Variants in MYO9B observed in about 807,000 individuals in gnomAD.
The protein encoded by MYO9B is unconventional myosin-IXb.
Under a neutral mutation model 229.5 loss-of-function variants are expected in MYO9B, and 71 were observed. That is an observed-to-expected ratio of 0.31 (90% CI 0.26 to 0.38). MYO9B has a LOEUF of 0.38. Among genes scored for constraint, MYO9B ranks in the 10% least tolerant of loss-of-function variants. The pLI is 1.00. For synonymous variants in MYO9B, 1,185 were observed against 1,235.8 expected, an observed-to-expected ratio of 0.96 and a Z score of 0.86; for missense variants, 2,255 against 2,920.5, an observed-to-expected ratio of 0.77 and a Z score of 5.25.
intron 19 of MYO9B, among the ~76,000 whole-genome samples, chr19:17,190,140 T>C (rs1041449517): frequency 1.5e-4 from 22 of 150,900 alleles, no homozygotes; most frequent in Admixed American, 1.3e-4. Flanking sequence ...GCACTTTGGG[T>C]CACGTGACCC....
Position 17,202,722 on chromosome 19 carries a change from T to G in MYO9B, c.4837-120T>G. 4.0e-6 allele frequency: 4 copies of G among 1,004,328 alleles called. No individual in the cohort carries two copies. The South Asian group carries it at 4.7e-5, about 12-fold the overall frequency. The allele number at this position is 1,004,328 out of a possible 1,614,324, so 62.2% of individuals were successfully genotyped here. On this transcript the variant is annotated intron_variant, in intron 28 of 39. Transcript: ENST00000682292. Reference sequence around the variant, plus strand: ...TGAATGGGGGCGTTAGGGACAATGATGCCACTCCAGGTGAGGGAGGGTTCA... The same window carrying G: ...TGAATGGGGGCGTTAGGGACAATGAGGCCACTCCAGGTGAGGGAGGGTTCA...
intron 14 of MYO9B, among the ~76,000 whole-genome samples, chr19:17,180,228 G>A (rs901232018): frequency 9.3e-4 from 67 of 72,260 alleles, no homozygotes; most frequent in African/African-American, 3.1e-3. Flanking sequence ...GTGAGACTCC[G>A]TCTCAATAAA....
intron 26 of MYO9B, among the ~76,000 whole-genome samples, chr19:17,201,608 G>C (rs925556309): frequency 2.6e-5 from 4 of 152,162 alleles, no homozygotes; most frequent in African/African-American, 9.7e-5. Flanking sequence ...CACTGGCAAT[G>C]TCTGGGGACA....
At chr19:17,168,314 A>G (rs2072683322) in intron 11 of MYO9B, among the ~76,000 whole-genome samples, 1 of 152,148 alleles carries the variant, frequency 6.6e-6, no homozygotes, top group African/African-American at 2.4e-5. Context: ...ACAGGGTCAC[A>G]CCACCATACC....
At chr19:17,111,585 G>A (rs2057848696) in intron 2 of MYO9B, among the ~76,000 whole-genome samples, 1 of 152,006 alleles carries the variant, frequency 6.6e-6, no homozygotes, top group African/African-American at 2.4e-5. Context: ...ACCACCCCTG[G>A]CTAATTTTTT....
At chr19:17,094,559 A>G (rs930238875) in intron 1 of MYO9B, among the ~76,000 whole-genome samples, 2 of 152,212 alleles carry the variant, frequency 1.3e-5, no homozygotes, top group African/African-American at 4.8e-5. Flanking sequence ...TGCATTTTCT[A>G]GAATGTTATA....
chr19:17,166,426 C>G (rs184333099), intron 10 of MYO9B, among the ~76,000 whole-genome samples: 136 of 152,094 alleles, frequency 8.9e-4, no homozygotes, highest in East Asian at 5.8e-4. Flanking sequence ...ATTCATTTAT[C>G]TAGTAAGTTT....
At chr19:17,156,339 G>A (rs544242477) in intron 6 of MYO9B, among the ~76,000 whole-genome samples, 5 of 151,538 alleles carry the variant, frequency 3.3e-5, no homozygotes, top group African/African-American at 7.3e-5. Context: ...AACTGAGCCC[G>A]GGGAGGTTGA....
chr19:17,184,149 G>A, intron 16 of MYO9B: 2 of 484,810 alleles, frequency 4.1e-6, no homozygotes, highest in South Asian at 5.0e-5. Context: ...GGAAGCTAGG[G>A]GCGTAAGCAT....
At chr19:17,142,045 G>C (rs746170479) in intron 2 of MYO9B, among the ~76,000 whole-genome samples, 1 of 152,036 alleles carries the variant, frequency 6.6e-6, no homozygotes, top group Non-Finnish European at 1.5e-5. Flanking sequence ...AAGCATGGTG[G>C]CATGCACCTG....
intron 2 of MYO9B, among the ~76,000 whole-genome samples, chr19:17,143,413 A>T (rs2072366978): frequency 6.6e-6 from 1 of 152,160 alleles, no homozygotes; most frequent in Admixed American, 6.6e-5. Context: ...AAAGCCGAGA[A>T]GGAGGGAGGC....
At position 17,181,029 on chromosome 19, in the gene MYO9B, C is replaced by T. The variant is rs771644394; in HGVS notation, c.2322C>T (p.Arg774=). ...LQSLSRLQKP[R]AFILKSKGIK... The stretch of plus-strand genomic sequence containing the variant: ...CCCTCAGTCGGCTCCAGAAACCCCG[C>T]GCCTTCATCCTGTGAGTCCCCCACC... Residue 774 remains arginine (R), a synonymous_variant, in exon 15 of 40, where the codon CGC becomes CGT. Coordinates refer to ENST00000682292, the MANE Select transcript of MYO9B (RefSeq NM_004145.4). 17 of 1,608,460 alleles carry T rather than the reference C, an allele frequency of 1.1e-5. No individual in the cohort carries two copies. Among genetic ancestry groups the T allele is most frequent in the African/African-American group, 2.7e-5 (2 of 74,764 alleles).
At chr19:17,130,632 AAATT>A (rs2072183821) in intron 2 of MYO9B, among the ~76,000 whole-genome samples, 1 of 151,626 alleles carries the variant, frequency 6.6e-6, no homozygotes, top group South Asian at 2.1e-4. Context: ...AAAAAAAAAA[AAATT>A]AACCAGGCAT....
intron 32 of MYO9B, 22 bp from the exon 33 acceptor site, chr19:17,206,226 A>AACCCCCCCCCCCCCC: frequency 6.0e-5 from 39 of 654,234 alleles, no homozygotes; most frequent in Non-Finnish European, 6.8e-5. Context: ...CGCTCACCAG[A>AACCCCCCCCCCCCCC]CCCACCCCAC....
intron 2 of MYO9B, among the ~76,000 whole-genome samples, chr19:17,128,893 T>G (rs1262840227): frequency 6.6e-6 from 1 of 152,222 alleles, no homozygotes; most frequent in Non-Finnish European, 1.5e-5. Flanking sequence ...ATCTCCCTCT[T>G]TCAGCCCCTT....
intron 3 of MYO9B, among the ~76,000 whole-genome samples, chr19:17,149,981 A>C (rs191980487): frequency 4.6e-5 from 7 of 152,342 alleles, no homozygotes; most frequent in Middle Eastern, 3.4e-3. Flanking sequence ...GAAGGTGCTG[A>C]AACTGGTTAC....
intron 13 of MYO9B, among the ~76,000 whole-genome samples, 171 bp downstream of exon 13, chr19:17,173,134 G>A (rs1009250653): frequency 1.3e-5 from 2 of 151,940 alleles, no homozygotes; most frequent in African/African-American, 2.4e-5. Flanking sequence ...CTCGACCTGC[G>A]TGTGTAATTT....
chr19:17,172,736 C>A lies in MYO9B; in HGVS notation c.1936-23C>A, dbSNP rs534819984. 10 of 1,611,160 alleles carry A rather than the reference C, an allele frequency of 6.2e-6. No individual in the cohort carries two copies. Among genetic ancestry groups the A allele is most frequent in the Non-Finnish European group, 8.5e-6 (10 of 1,177,914 alleles). On this transcript the variant is annotated intron_variant, in intron 12 of 39. Coordinates refer to ENST00000682292, the MANE Select transcript of MYO9B (RefSeq NM_004145.4). The surrounding 1 kb of genome is among the most constrained non-coding windows in gnomAD (Gnocchi z 8.2). Reference sequence around the variant, plus strand: ...CGGTGAGTGACTATCCCCGAGTGACCGCCCACATCCATCCCCCACCAGGAC... The same window carrying A: ...CGGTGAGTGACTATCCCCGAGTGACAGCCCACATCCATCCCCCACCAGGAC...
intron 30 of MYO9B, 99 bp from the exon 31 acceptor site, chr19:17,205,164 A>ACAG: frequency 1.3e-6 from 1 of 748,910 alleles, no homozygotes; most frequent in East Asian, 2.8e-5. Flanking sequence ...AAAAAAAAAA[A>ACAG]AAGAAGGCAA....
Sources: gnomAD v4.1 joint callset for allele counts (sites outside exome capture counted in the v4.1 genomes callset) on GRCh38, gnomAD v4.1.1 for gene constraint, Gnocchi (gnomAD v3.1) non-coding constraint, MANE v1.5 for transcripts, NCBI Gene and HGNC (gene_info 2026-07-23, HGNC 2026-07-21) for gene names.